The following CLDN10 variants were observed in gnomAD, a reference collection of about 807,000 sequenced individuals.
The protein encoded by CLDN10 is claudin-10.
A neutral mutation model predicts 22.9 loss-of-function variants in CLDN10; 15 were observed. That is an observed-to-expected ratio of 0.65 (90% CI 0.44 to 1.01). The LOEUF is 1.01. Ranked by LOEUF, CLDN10 falls within the 50% of genes least tolerant of loss-of-function variation. The pLI is 0.00. For missense variants in CLDN10, 247 were observed against 287.8 expected (o/e 0.86, Z 1.03); for synonymous variants, 114 against 111.4 (o/e 1.02, Z -0.15).
intron 1 of CLDN10, among the ~76,000 whole-genome samples, chr13:95,438,998 AG>A (rs1467399999): frequency 7.0e-6 from 1 of 142,884 alleles, no homozygotes; most frequent in Non-Finnish European, 1.5e-5. Context: ...AAAAAAAAAA[AG>A]CGGAGGGTAA....
intron 3 of CLDN10, among the ~76,000 whole-genome samples, chr13:95,573,304 A>G (rs898072136): frequency 5.9e-5 from 9 of 152,236 alleles, no homozygotes; most frequent in Non-Finnish European, 2.9e-5. Flanking sequence ...GTTTTCCTCC[A>G]TAAATGAAGT....
intron 3 of CLDN10, among the ~76,000 whole-genome samples, chr13:95,565,829 T>C (rs201440251): frequency 3.7e-5 from 5 of 134,750 alleles, no homozygotes; most frequent in Admixed American, 8.0e-5. Flanking sequence ...CTTGTGTCCA[T>C]GTGTTCTCAT....
At chr13:95,514,926 G>C (rs150562172) in intron 1 of CLDN10, among the ~76,000 whole-genome samples, 1 of 152,168 alleles carries the variant, frequency 6.6e-6, no homozygotes, top group African/African-American at 2.4e-5. Context: ...TGGAGATGGC[G>C]CTGAAGATGG....
At chr13:95,484,688 C>CAA (rs144818972) in intron 1 of CLDN10, among the ~76,000 whole-genome samples, 2 of 124,514 alleles carry the variant, frequency 1.6e-5, no homozygotes, top group Non-Finnish European at 3.5e-5. Context: ...ACTAAAAATA[C>CAA]AAAAAAAAAA....
chr13:95,577,854 C>G (rs763331596), intron 4 of CLDN10, 46 bp from the exon 5 acceptor site: 2 of 1,261,634 alleles, frequency 1.6e-6, no homozygotes, highest in East Asian at 4.7e-5. Context: ...TTTTTGTTTG[C>G]CCTATGTGTA....
intron 1 of CLDN10, among the ~76,000 whole-genome samples, chr13:95,480,456 G>T (rs2042734059): frequency 6.6e-6 from 1 of 152,236 alleles, no homozygotes; most frequent in African/African-American, 2.4e-5. Flanking sequence ...GCGGAAGAGA[G>T]ATAATGAGAG....
chr13:95,540,037 C>T (rs1260410875), intron 1 of CLDN10, among the ~76,000 whole-genome samples: 3 of 151,994 alleles, frequency 2.0e-5, no homozygotes, highest in Admixed American at 6.6e-5. Flanking sequence ...CGGTGGCTCA[C>T]GCCTGTAATT....
chr13:95,537,090 A>C (rs2043408255), intron 1 of CLDN10, among the ~76,000 whole-genome samples: 1 of 152,216 alleles, frequency 6.6e-6, no homozygotes, highest in African/African-American at 2.4e-5. Context: ...CATTTTTTCT[A>C]TTCTGGGTAG....
At chr13:95,510,085 C>A (rs1385387373) in intron 1 of CLDN10, among the ~76,000 whole-genome samples, 1 of 152,228 alleles carries the variant, frequency 6.6e-6, no homozygotes, top group South Asian at 2.1e-4. Context: ...CTCTCTTGAG[C>A]TTTTGCAAGC....
At chr13:95,531,108 C>G (rs1480147149) in intron 1 of CLDN10, among the ~76,000 whole-genome samples, 1 of 151,674 alleles carries the variant, frequency 6.6e-6, no homozygotes, top group African/African-American at 2.4e-5. Context: ...TTAGTAAAGA[C>G]GGGGTTTCAC....
At chr13:95,574,769 CAAAAA>C (rs2043903180) in intron 3 of CLDN10, among the ~76,000 whole-genome samples, 1 of 151,128 alleles carries the variant, frequency 6.6e-6, no homozygotes, top group South Asian at 2.1e-4. Flanking sequence ...GATTCCATCT[CAAAAA>C]AGAAAAAGAT....
chr13:95,500,281 A>G (rs2042971625), intron 1 of CLDN10, among the ~76,000 whole-genome samples: 2 of 151,480 alleles, frequency 1.3e-5, no homozygotes, highest in Non-Finnish European at 2.9e-5. Flanking sequence ...GTTGCATGCG[A>G]GTGAGGCGGG....
intron 1 of CLDN10, among the ~76,000 whole-genome samples, chr13:95,490,670 C>T (rs180806467): frequency 6.6e-6 from 1 of 151,966 alleles, no homozygotes; most frequent in Non-Finnish European, 1.5e-5. Context: ...TATTGAGGCT[C>T]ATTTTGTGGC....
intron 1 of CLDN10, among the ~76,000 whole-genome samples, chr13:95,512,359 T>G (rs1284988757): frequency 6.6e-6 from 1 of 152,086 alleles, no homozygotes; most frequent in Non-Finnish European, 1.5e-5. Context: ...ACCAATGATA[T>G]AACTAAGAAA....
intron 1 of CLDN10, among the ~76,000 whole-genome samples, chr13:95,527,387 C>T (rs2043292382): frequency 6.6e-6 from 1 of 152,148 alleles, no homozygotes; most frequent in South Asian, 2.1e-4. Context: ...TGTCTCCCAT[C>T]CTTAACCAGA....
At chr13:95,447,691 G>A (rs1249004202) in intron 1 of CLDN10, among the ~76,000 whole-genome samples, 1 of 152,090 alleles carries the variant, frequency 6.6e-6, no homozygotes, top group African/African-American at 2.4e-5. Flanking sequence ...GTCAAAGCAT[G>A]GCTCCTAGCT....
At chr13:95,496,194 G>A (rs1446456390) in intron 1 of CLDN10, among the ~76,000 whole-genome samples, 1 of 152,156 alleles carries the variant, frequency 6.6e-6, no homozygotes, top group Non-Finnish European at 1.5e-5. Flanking sequence ...TCATTGGGCA[G>A]TTCATCCCAC....
upstream of CLDN10, among the ~76,000 whole-genome samples, chr13:95,549,740 T>C (rs1180598740): frequency 2.6e-5 from 4 of 152,160 alleles, no homozygotes; most frequent in Admixed American, 6.5e-5. Context: ...TCCAACCTCA[T>C]AGAAAGGAGA....
At chr13:95,447,337 C>G (rs2042390508) in intron 1 of CLDN10, among the ~76,000 whole-genome samples, 1 of 152,210 alleles carries the variant, frequency 6.6e-6, no homozygotes, top group Non-Finnish European at 1.5e-5. Flanking sequence ...TGGCCGAGGT[C>G]CTTCCTTGAC....
Sources: gnomAD v4.1 joint callset for allele counts (sites outside exome capture counted in the v4.1 genomes callset) on GRCh38, gnomAD v4.1.1 for gene constraint, MANE v1.5 for transcripts, NCBI Gene and HGNC (gene_info 2026-07-23, HGNC 2026-07-21) for gene names.